SLC39A10: variants seen among roughly 807,000 people sequenced by gnomAD.
SLC39A10 encodes solute carrier family 39 member 10.
SLC39A10 carries 13 observed loss-of-function variants against 65.1 expected under a neutral mutation model. That is an observed-to-expected ratio of 0.20 (90% CI 0.13 to 0.32). SLC39A10 has a LOEUF of 0.32. Among genes scored for constraint, SLC39A10 ranks in the 10% least tolerant of loss-of-function variants. SLC39A10 has a pLI of 1.00. For missense variants in SLC39A10, 831 were observed against 1,018.4 expected, an observed-to-expected ratio of 0.82 and a Z score of 2.50; for synonymous variants, 321 against 342.2, an observed-to-expected ratio of 0.94 and a Z score of 0.68.
chr2:195,640,494 G>GTT (rs201180660), intron 2 of SLC39A10, among the ~76,000 whole-genome samples: 4 of 151,506 alleles, frequency 2.6e-5, no homozygotes, highest in Non-Finnish European at 4.4e-5. Flanking sequence ...GCATACACTA[G>GTT]TTTTTTTTTA....
chr2:195,661,327 A>AT (rs1484055094), intron 1 of SLC39A10, among the ~76,000 whole-genome samples: 2 of 152,224 alleles, frequency 1.3e-5, no homozygotes, highest in Non-Finnish European at 2.9e-5. Context: ...CATATTCTCA[A>AT]TAAAAAATTA....
At chr2:195,715,377 T>C (rs1399397779) in intron 6 of SLC39A10, among the ~76,000 whole-genome samples, 1 of 151,662 alleles carries the variant, frequency 6.6e-6, no homozygotes, top group Non-Finnish European at 1.5e-5. Flanking sequence ...AATACAAAAA[T>C]TAGCCGGGTG....
intron 3 of SLC39A10, among the ~76,000 whole-genome samples, chr2:195,693,598 A>G (rs904108096): frequency 6.6e-6 from 1 of 152,128 alleles, no homozygotes; most frequent in African/African-American, 2.4e-5. Context: ...AAAGGTGTTC[A>G]TAGTAGTCTT....
At chr2:195,620,288 G>T (rs772035356) in intron 2 of SLC39A10, among the ~76,000 whole-genome samples, 1 of 152,156 alleles carries the variant, frequency 6.6e-6, no homozygotes, top group East Asian at 1.9e-4. Context: ...GATCATTAAA[G>T]GGTTAGAAAA....
At position 195,680,653 on chromosome 2, in the gene SLC39A10, G is replaced by A; in HGVS notation, c.611G>A (p.Ser204Asn). 1.2e-6 allele frequency: 2 copies of A among 1,613,998 alleles called. No individual in the cohort carries two copies. The highest frequency in any genetic ancestry group is 1.7e-6 in the Non-Finnish European group (2 of 1,180,024). The change falls in exon 2 of 10, where the codon AGT becomes AAT. Residue 204 changes from serine to asparagine, a missense_variant. Coordinates refer to ENST00000359634, the MANE Select transcript of SLC39A10 (RefSeq NM_020342.3). The stretch of plus-strand genomic sequence containing the variant: ...TTTCATAATGATTCCATTACTCCCA[G>A]TGAGCGTGGGGAGCCTAGCAATGAA... ...HHFHNDSITP[S>N]ERGEPSNEPS...
chr2:195,645,777 A>T (rs548305272), intron 2 of SLC39A10, among the ~76,000 whole-genome samples: 1 of 152,330 alleles, frequency 6.6e-6, no homozygotes, highest in East Asian at 1.9e-4. Flanking sequence ...TGAATTCCAA[A>T]GCTAATGTTA....
chr2:195,646,488 T>C (rs753631686), intron 2 of SLC39A10, among the ~76,000 whole-genome samples: 1 of 152,146 alleles, frequency 6.6e-6, no homozygotes, highest in Non-Finnish European at 1.5e-5. Context: ...CTGACACGAA[T>C]TTCACTGAGC....
At chr2:195,672,945 G>T (rs2105754842) in intron 1 of SLC39A10, among the ~76,000 whole-genome samples, 1 of 152,292 alleles carries the variant, frequency 6.6e-6, no homozygotes, top group Middle Eastern at 3.4e-3. Flanking sequence ...TTGCTTAACA[G>T]TGGTCTTAAT....
intron 2 of SLC39A10, among the ~76,000 whole-genome samples, chr2:195,626,676 C>A (rs1688481240): frequency 6.6e-6 from 1 of 152,092 alleles, no homozygotes; most frequent in Non-Finnish European, 1.5e-5. Flanking sequence ...ACCTATCTAG[C>A]TTTTAGGGAA....
intron 1 of SLC39A10, chr2:195,670,598 T>G (rs1196043088): frequency 3.3e-5 from 5 of 152,208 alleles, no homozygotes; most frequent in Non-Finnish European, 7.4e-5. Context: ...AAATTGATTT[T>G]CTATTACAAT....
chr2:195,619,879 T>C (rs1304278031), intron 2 of SLC39A10, among the ~76,000 whole-genome samples: 1 of 148,864 alleles, frequency 6.7e-6, no homozygotes, highest in African/African-American at 2.6e-5. Flanking sequence ...CAGGACTTTA[T>C]TTATTTATTT....
At chr2:195,698,581 GTGT>G (rs762841786) in intron 3 of SLC39A10, among the ~76,000 whole-genome samples, 2 of 151,726 alleles carry the variant, frequency 1.3e-5, no homozygotes, top group Non-Finnish European at 2.9e-5. Flanking sequence ...GATCATGTGG[GTGT>G]TTTTTTCTTT....
rs149996150 is a variant in SLC39A10 at position 195,617,284 on chromosome 2, C to T, written c.-12+11051C>T. On this transcript the variant is annotated intron_variant, in intron 2 of 2. Transcript: ENST00000458054. ...ATTATTTTTTAAAAGTTAACTGAGC[C>T]GGGCGTAGTGGCTCATGCCTGTAAT... Among the ~76,000 whole-genome samples the T allele has an allele frequency of 3.9e-3, 590 of 152,152 alleles. 1 individual carries two copies. Among genetic ancestry groups the T allele is most frequent in the South Asian group, 7.5e-3 (36 of 4,824 alleles).
At chr2:195,703,955 A>G (rs1467718361) in intron 3 of SLC39A10, among the ~76,000 whole-genome samples, 1 of 152,198 alleles carries the variant, frequency 6.6e-6, no homozygotes, top group Non-Finnish European at 1.5e-5. Flanking sequence ...ACCCTGAGCC[A>G]TTAAAATATT....
At chr2:195,725,191 T>G (rs191802263) in intron 8 of SLC39A10, among the ~76,000 whole-genome samples, 2 of 152,184 alleles carry the variant, frequency 1.3e-5, no homozygotes, top group Admixed American at 1.3e-4. Context: ...GAAGAAAATA[T>G]AGAATATCTC....
chr2:195,670,183 G>A (rs1469412570), intron 1 of SLC39A10, among the ~76,000 whole-genome samples: 2 of 151,116 alleles, frequency 1.3e-5, no homozygotes, highest in African/African-American at 2.4e-5. Context: ...AAAGTTTTTT[G>A]TAAGCTTTTA....
chr2:195,624,548 G>A (rs968816133), intron 2 of SLC39A10, among the ~76,000 whole-genome samples: 2 of 152,002 alleles, frequency 1.3e-5, no homozygotes, highest in Non-Finnish European at 2.9e-5. Flanking sequence ...TGTCCACTCA[G>A]AAGGAGGGAG....
At chr2:195,683,235 G>T (rs1340118317) in intron 2 of SLC39A10, among the ~76,000 whole-genome samples, 1 of 151,060 alleles carries the variant, frequency 6.6e-6, no homozygotes, top group Non-Finnish European at 1.5e-5. Flanking sequence ...CCTATCAACC[G>T]ACATTGGGCT....
intron 2 of SLC39A10, among the ~76,000 whole-genome samples, chr2:195,634,925 GT>G (rs1157641911): frequency 6.6e-6 from 1 of 152,112 alleles, no homozygotes. Context: ...GTGGGTACCT[GT>G]AATCCTAGCT....
Sources: allele counts gnomAD v4.1 joint callset (sites outside exome capture counted in the v4.1 genomes callset), GRCh38; gene constraint gnomAD v4.1.1; transcripts MANE v1.5; gene names NCBI Gene and HGNC (gene_info 2026-07-23, HGNC 2026-07-21).